SLC39A11: variants seen among roughly 807,000 people sequenced by gnomAD.
SLC39A11 encodes the protein zinc transporter ZIP11.
Under a neutral mutation model 36.1 loss-of-function variants are expected in SLC39A11, and 33 were observed. The observed-to-expected ratio is 0.91, with a 90% CI of 0.69 to 1.22. The LOEUF (loss-of-function observed/expected upper bound fraction) is 1.22. Among genes scored for constraint, SLC39A11 ranks in the 50% most tolerant of loss-of-function variants. The pLI is 0.00. For synonymous variants in SLC39A11, 166 were observed against 170.3 expected (o/e 0.97, Z 0.20); for missense variants, 432 against 430.3 (o/e 1.00, Z -0.03).
Position 72,947,879 on chromosome 17 carries a change from A to C in SLC39A11, c.307-4T>G, listed in dbSNP as rs1568002141. The C allele has an allele frequency of 6.2e-7, 1 of 1,613,464 alleles. No individual in the cohort carries two copies. On this transcript the variant is annotated splice_polypyrimidine_tract_variant and splice_region_variant and intron_variant, in intron 4 of 9. Coordinates refer to ENST00000255559, the MANE Select transcript of SLC39A11 (RefSeq NM_139177.4). ...TCTGGGGGTCTTCTGCTGCACCCTG[A>C]AACAAGAAGCGGTAACATCACTAGA...
At chr17:73,089,187 C>G (rs1041607031) in intron 1 of SLC39A11, among the ~76,000 whole-genome samples, 6 of 152,168 alleles carry the variant, frequency 3.9e-5, no homozygotes, top group African/African-American at 1.4e-4. Context: ...CCACCAAAGA[C>G]AGGTGACTAG....
intron 5 of SLC39A11, among the ~76,000 whole-genome samples, chr17:72,888,736 G>T (rs954443856): frequency 6.6e-6 from 1 of 151,806 alleles, no homozygotes; most frequent in African/African-American, 2.4e-5. Flanking sequence ...ACTCCATCTC[G>T]ATAAAAGATG....
In SLC39A11 at chr17:72,647,355, C is replaced by T. The variant is rs2069602725; in HGVS notation, c.*229G>A. Reference sequence around the variant, plus strand: ...GAGAGAGTCCATTCAGTGGCCAAAACAAAGAATCTGTATTTCCATGACACC... The same window carrying T: ...GAGAGAGTCCATTCAGTGGCCAAAATAAAGAATCTGTATTTCCATGACACC... On this transcript the variant is annotated 3_prime_UTR_variant, in exon 10 of 10. Transcript: ENST00000255559. The T allele has an allele frequency of 2.7e-6, 1 of 375,446 alleles. No individual in the cohort carries two copies. The allele number at this position is 375,446 out of a possible 1,614,324, so 23.3% of individuals were successfully genotyped here.
At chr17:72,886,834 G>A (rs534235956) in intron 5 of SLC39A11, among the ~76,000 whole-genome samples, 1 of 152,146 alleles carries the variant, frequency 6.6e-6, no homozygotes, top group Non-Finnish European at 1.5e-5. Flanking sequence ...CCTGTGACCC[G>A]GATGCTCCTT....
chr17:72,967,571 CA>C (rs1364617405), intron 4 of SLC39A11, among the ~76,000 whole-genome samples: 1 of 152,048 alleles, frequency 6.6e-6, no homozygotes, highest in Non-Finnish European at 1.5e-5. Flanking sequence ...CTAGGAAAAT[CA>C]AAAGCATCCC....
chr17:72,846,777 A>AT, intron 6 of SLC39A11, among the ~76,000 whole-genome samples: 1 of 152,224 alleles, frequency 6.6e-6, no homozygotes, highest in Non-Finnish European at 1.5e-5. Flanking sequence ...TAGTTACCTT[A>AT]TTTAACACTA....
intron 5 of SLC39A11, among the ~76,000 whole-genome samples, chr17:72,923,274 C>A (rs971029819): frequency 6.6e-6 from 1 of 152,024 alleles, no homozygotes; most frequent in Non-Finnish European, 1.5e-5. Flanking sequence ...GCCAATAGGA[C>A]CCAGTGGATG....
chr17:73,081,057 T>C (rs1311833364), intron 3 of SLC39A11, among the ~76,000 whole-genome samples: 1 of 151,920 alleles, frequency 6.6e-6, no homozygotes, highest in Non-Finnish European at 1.5e-5. Context: ...GAGAAAACCT[T>C]TGCAACCTAT....
intron 7 of SLC39A11, among the ~76,000 whole-genome samples, chr17:72,658,641 A>C (rs1171706294): frequency 6.6e-6 from 1 of 152,224 alleles, no homozygotes; most frequent in Non-Finnish European, 1.5e-5. Context: ...GGAGATGCAG[A>C]CAAGTACAAT....
At chr17:72,910,871 G>A (rs35337077) in intron 5 of SLC39A11, among the ~76,000 whole-genome samples, 75,406 of 145,952 alleles carry the variant, frequency 0.52, 19,322 homozygotes, top group Middle Eastern at 0.55. Context: ...AGGTTGCAGT[G>A]AGCCAAGATC....
Position 72,896,461 on chromosome 17 carries a change from G to A in SLC39A11, c.431-46657C>T, listed in dbSNP as rs542732416. On this transcript the variant is annotated intron_variant, in intron 5 of 9. Coordinates refer to ENST00000255559, the MANE Select transcript of SLC39A11 (RefSeq NM_139177.4). ...AAGTGATCTGCCCGCCTCAGCCTCC[G>A]AAAGTGCTGGGATTACAGGCATGAG... is the stretch of plus-strand genomic sequence containing the variant. Among the ~76,000 whole-genome samples the A allele has an allele frequency of 5.9e-5, 9 of 151,756 alleles. No homozygotes were observed. In the South Asian group the frequency reaches 1.7e-3, roughly 28 times the overall value.
At chr17:72,871,056 G>GTTTTTTTTTTT (rs34776144) in intron 5 of SLC39A11, among the ~76,000 whole-genome samples, 13 of 124,300 alleles carry the variant, frequency 1.0e-4, no homozygotes, top group Non-Finnish European at 1.5e-4. Flanking sequence ...TTTTGTTTTT[G>GTTTTTTTTTTT]TTTTTTTTTT....
In SLC39A11 at chr17:72,727,800, G is replaced by C. The variant is rs995732986; in HGVS notation, c.671+8850C>G. On this transcript the variant is annotated intron_variant, in intron 7 of 9. Coordinates refer to ENST00000255559, the MANE Select transcript of SLC39A11 (RefSeq NM_139177.4). ...CAAGCTGACCTGGCCAGGTAGGGAG[G>C]TGGACAGATGGGAAGGAGCTGGGGA... Among the ~76,000 whole-genome samples, 5 of 152,172 alleles carry C rather than the reference G, an allele frequency of 3.3e-5. No individual in the cohort carries two copies. In the East Asian group the frequency reaches 5.8e-4, roughly 18 times the overall value.
chr17:72,978,134 C>T (rs1263804166), intron 4 of SLC39A11, among the ~76,000 whole-genome samples: 2 of 152,238 alleles, frequency 1.3e-5, no homozygotes, highest in African/African-American at 4.8e-5. Context: ...TCTGGGCTGT[C>T]GTCTGGGCCC....
rs746428868 is a variant in SLC39A11 at position 72,936,411 on chromosome 17, T to TAA, written c.430+11339_430+11340dup. On this transcript the variant is annotated intron_variant, in intron 5 of 9. Transcript: ENST00000255559. ...TGGCAGTATCTCATCTGAAAAAAAG[T>TAA]AAAAAAAAAAAAAAAAAAAAAAAAA... Among the ~76,000 whole-genome samples, 252 of 73,448 alleles carry TAA rather than the reference T, an allele frequency of 3.4e-3. 5 individuals are homozygous for TAA. The highest frequency in any genetic ancestry group is 0.012 in the African/African-American group (246 of 20,046). 48.2% of individuals were successfully genotyped at this position (73,448 alleles called of 152,430 possible).
intron 4 of SLC39A11, among the ~76,000 whole-genome samples, chr17:72,957,150 A>C (rs1195004934): frequency 2.0e-5 from 3 of 152,162 alleles, no homozygotes; most frequent in Non-Finnish European, 2.9e-5. Flanking sequence ...AATGCTTTTC[A>C]AGTCTCTACA....
At chr17:72,782,787 G>A (rs1325052469) in intron 6 of SLC39A11, among the ~76,000 whole-genome samples, 1 of 150,774 alleles carries the variant, frequency 6.6e-6, no homozygotes, top group Non-Finnish European at 1.5e-5. Flanking sequence ...GATCACCTGA[G>A]GTCAGGAGTT....
At chr17:72,842,617 C>T (rs936583827) in intron 6 of SLC39A11, among the ~76,000 whole-genome samples, 2 of 152,184 alleles carry the variant, frequency 1.3e-5, no homozygotes, top group African/African-American at 4.8e-5. Flanking sequence ...CTGTATGATA[C>T]TGCATGGACA....
chr17:72,662,292 GAAAAGAGGAAAGGAAGAAA>G (rs1411499658), intron 7 of SLC39A11, among the ~76,000 whole-genome samples: 152 of 143,056 alleles, frequency 1.1e-3, no homozygotes, highest in African/African-American at 4.0e-3. Context: ...AAGGAAGAAA[GAAAAGAGGAAAGGAAGAAA>G]GAAAAGAGGA....
Sources: allele counts gnomAD v4.1 joint callset (sites outside exome capture counted in the v4.1 genomes callset), GRCh38; gene constraint gnomAD v4.1.1; transcripts MANE v1.5; gene names NCBI Gene and HGNC (gene_info 2026-07-23, HGNC 2026-07-21).